OSBPL3: variants seen among roughly 807,000 people sequenced by gnomAD.
The protein encoded by OSBPL3 is oxysterol binding protein like 3.
In OSBPL3, 65 loss-of-function variants were observed where a neutral mutation model predicts 120.1. The ratio of observed to expected loss-of-function variants is 0.54; its 90% CI spans 0.44 to 0.67. The LOEUF is 0.67. OSBPL3 is among the 30% of genes least tolerant of loss of function. The probability of loss-of-function intolerance (pLI) is 0.00; values close to 1 mark genes in which losing one functional copy is unlikely to be tolerated. For missense variants in OSBPL3, 1,004 were observed against 1,082.1 expected, an observed-to-expected ratio of 0.93 and a Z score of 1.01; for synonymous variants, 416 against 402.6, an observed-to-expected ratio of 1.03 and a Z score of -0.40.
At chr7:24,889,748 T>A (rs573945491) in intron 2 of OSBPL3, among the ~76,000 whole-genome samples, 1 of 152,346 alleles carries the variant, frequency 6.6e-6, no homozygotes, top group African/African-American at 2.4e-5. Context: ...AGGAAAAGGC[T>A]GGGACCTGAG....
intron 1 of OSBPL3, among the ~76,000 whole-genome samples, chr7:24,893,549 T>C (rs879437531): frequency 6.6e-6 from 1 of 152,200 alleles, no homozygotes; most frequent in Non-Finnish European, 1.5e-5. Flanking sequence ...CAGTGGCTCA[T>C]GCCTGTAATC....
rs375846225 is a variant in OSBPL3 at position 24,948,288 on chromosome 7, C to G, written c.-150+31598G>C. The stretch of plus-strand genomic sequence containing the variant: ...ACTTATTCTACTTCAGAGGAAATAG[C>G]TGAAGTACTTCTATACAAAAGAATT... On this transcript the variant is annotated intron_variant, in intron 1 of 22. Coordinates refer to ENST00000313367, the MANE Select transcript of OSBPL3 (RefSeq NM_015550.4). Among the ~76,000 whole-genome samples the G allele has an allele frequency of 1.8e-4, 27 of 152,332 alleles. 4 individuals carry two copies. The highest frequency in any genetic ancestry group is 1.7e-3 in the South Asian group (8 of 4,822).
At chr7:24,842,538 A>C in intron 12 of OSBPL3, 125 bp from the exon 13 acceptor site, 1 of 729,240 alleles carries the variant, frequency 1.4e-6, no homozygotes, top group East Asian at 2.6e-5. Flanking sequence ...TCAAAGCAGA[A>C]GTCAGCTCCA....
rs1812553944 is a variant in OSBPL3 at position 24,937,399 on chromosome 7, C to T, written c.-150+42487G>A. Among the ~76,000 whole-genome samples, 3 of 152,170 alleles carry T rather than the reference C, an allele frequency of 2.0e-5. No individual in the cohort carries two copies. Among genetic ancestry groups the T allele is most frequent in the African/African-American group, 7.2e-5 (3 of 41,432 alleles). The stretch of plus-strand genomic sequence containing the variant: ...ATTGTTTAACTATTATGAATGGGCT[C>T]ATTCTGTATATAATCCCCAATTTGA... On this transcript the variant is annotated intron_variant, in intron 1 of 22. Coordinates refer to ENST00000313367, the MANE Select transcript of OSBPL3 (RefSeq NM_015550.4). This position sits in a 1 kb window ranked among gnomAD's most constrained non-coding sequence, Gnocchi z 4.0.
At chr7:24,920,562 T>C (rs1467936590) in intron 1 of OSBPL3, among the ~76,000 whole-genome samples, 2 of 152,198 alleles carry the variant, frequency 1.3e-5, no homozygotes, top group African/African-American at 2.4e-5. Context: ...GATGGTAACA[T>C]GACTCTGAAT....
intron 16 of OSBPL3, among the ~76,000 whole-genome samples, chr7:24,829,857 C>G (rs1796160344): frequency 1.3e-5 from 2 of 152,126 alleles, no homozygotes; most frequent in South Asian, 4.1e-4. Context: ...TCCCAACACT[C>G]CACCATTATA....
intron 1 of OSBPL3, 146 bp from the exon 2 acceptor site, chr7:24,892,767 T>C (rs1805562258): frequency 8.4e-6 from 3 of 355,932 alleles, no homozygotes; most frequent in Non-Finnish European, 1.4e-5. Context: ...GAAAAGAAGC[T>C]TTACACCATT....
chr7:24,906,359 G>A (rs544088893), intron 1 of OSBPL3: 93 of 241,672 alleles, frequency 3.8e-4, no homozygotes, highest in Non-Finnish European at 6.2e-4. Context: ...GGAGACTTGC[G>A]AGGAGGTGGG....
At chr7:24,814,754 G>C (rs560217029) in intron 19 of OSBPL3, among the ~76,000 whole-genome samples, 2 of 152,256 alleles carry the variant, frequency 1.3e-5, no homozygotes, top group South Asian at 4.1e-4. Flanking sequence ...GTCCTTTTGG[G>C]GCTGACTTAT....
intron 6 of OSBPL3, 76 bp downstream of exon 6, chr7:24,865,994 C>T: frequency 8.1e-7 from 1 of 1,238,780 alleles, no homozygotes; most frequent in Non-Finnish European, 1.2e-6. Context: ...CTTCTTCGGA[C>T]TCAGCTCCCA....
chr7:24,814,020 G>C (rs1794160275), intron 19 of OSBPL3, among the ~76,000 whole-genome samples: 1 of 152,136 alleles, frequency 6.6e-6, no homozygotes, highest in Non-Finnish European at 1.5e-5. Context: ...CTGGAGTCAA[G>C]GATGATGAGG....
Position 24,946,117 on chromosome 7 carries a change from T to C in OSBPL3, c.-150+33769A>G, listed in dbSNP as rs557058640. Among the ~76,000 whole-genome samples, 1 of 152,158 alleles carries C rather than the reference T, an allele frequency of 6.6e-6. No homozygotes were observed. Among genetic ancestry groups the C allele is most frequent in the East Asian group, 1.9e-4 (1 of 5,176 alleles). On this transcript the variant is annotated intron_variant, in intron 1 of 22. Transcript: ENST00000313367. The surrounding 1 kb of genome is among the most constrained non-coding windows in gnomAD (Gnocchi z 4.3). ...GGTGGCTCCCTCCCAAGGCTGGTAG[T>C]CAATGCCGGCTGTCAGCTGGGAGCT... is the stretch of plus-strand genomic sequence containing the variant.
In OSBPL3 at chr7:24,916,631, CTGGCTG is replaced by C; in HGVS notation, c.-149-24016_-149-24011del. Among the ~76,000 whole-genome samples, 1 of 152,194 alleles carries C rather than the reference CTGGCTG, an allele frequency of 6.6e-6. No individual in the cohort carries two copies. The highest frequency in any genetic ancestry group is 2.1e-4 in the South Asian group (1 of 4,828). ...CTTCTTCATTCCCTGACCCTCTTCT[CTGGCTG>C]TGTCTCAACTGTTGGAGAAACATTA... is the stretch of plus-strand genomic sequence containing the variant. On this transcript the variant is annotated intron_variant, in intron 1 of 22. Transcript: ENST00000313367. The surrounding 1 kb of genome is among the most constrained non-coding windows in gnomAD (Gnocchi z 4.9).
At chr7:24,860,526 T>C (rs1005536785) in intron 10 of OSBPL3, among the ~76,000 whole-genome samples, 2 of 152,244 alleles carry the variant, frequency 1.3e-5, no homozygotes, top group African/African-American at 2.4e-5. Flanking sequence ...CCTGCCACCA[T>C]GTAAGACATG....
intron 1 of OSBPL3, among the ~76,000 whole-genome samples, chr7:24,978,155 G>C (rs1467056523): frequency 6.6e-6 from 1 of 152,192 alleles, no homozygotes; most frequent in African/African-American, 2.4e-5. Flanking sequence ...TTCCCATCTG[G>C]TTAAAAATAC....
intron 2 of OSBPL3, among the ~76,000 whole-genome samples, chr7:24,884,395 C>T (rs1482668249): frequency 6.6e-6 from 1 of 152,008 alleles, no homozygotes; most frequent in Admixed American, 6.6e-5. Context: ...CATTACAGAC[C>T]CCACTGAGTT....
intron 1 of OSBPL3, among the ~76,000 whole-genome samples, chr7:24,915,664 C>T (rs917553011): frequency 6.6e-6 from 1 of 151,754 alleles, no homozygotes; most frequent in Non-Finnish European, 1.5e-5. Context: ...GCCTCTGCCT[C>T]CTGGGTTCAA....
intron 2 of OSBPL3, among the ~76,000 whole-genome samples, chr7:24,885,939 G>A (rs1025608385): frequency 3.9e-5 from 6 of 152,192 alleles, no homozygotes; most frequent in African/African-American, 1.2e-4. Context: ...GGAAGGAAAT[G>A]TAAGGGGGCA....
intron 2 of OSBPL3, among the ~76,000 whole-genome samples, chr7:24,887,055 T>C (rs934736425): frequency 6.6e-6 from 1 of 152,246 alleles, no homozygotes; most frequent in African/African-American, 2.4e-5. Context: ...ATCTTGTTTT[T>C]ATAAAAATCA....
Sources: gnomAD v4.1 joint callset for allele counts (sites outside exome capture counted in the v4.1 genomes callset) on GRCh38, gnomAD v4.1.1 for gene constraint, Gnocchi (gnomAD v3.1) non-coding constraint, MANE v1.5 for transcripts, NCBI Gene and HGNC (gene_info 2026-07-23, HGNC 2026-07-21) for gene names.